TMEM135: variants seen among roughly 807,000 people sequenced by gnomAD.
The protein encoded by TMEM135 is peroxisomal membrane protein 52.
Under a neutral mutation model 60.3 loss-of-function variants are expected in TMEM135, and 30 were observed. That is an observed-to-expected ratio of 0.50 (90% CI 0.37 to 0.68). The LOEUF is 0.68. TMEM135 is among the 30% of genes least tolerant of loss of function. The probability of loss-of-function intolerance (pLI) is 0.00; values close to 1 mark genes in which losing one functional copy is unlikely to be tolerated. For synonymous variants in TMEM135, 190 were observed against 186.7 expected, an observed-to-expected ratio of 1.02 and a Z score of -0.14; for missense variants, 468 against 548.8, an observed-to-expected ratio of 0.85 and a Z score of 1.47.
At chr11:87,225,429 AATTATT>A (rs943087621) in intron 5 of TMEM135, among the ~76,000 whole-genome samples, 4 of 151,996 alleles carry the variant, frequency 2.6e-5, no homozygotes, top group Non-Finnish European at 5.9e-5. Context: ...ATTACTCTAT[AATTATT>A]ATTATTATGC....
intron 6 of TMEM135, among the ~76,000 whole-genome samples, chr11:87,272,011 T>G (rs948828846): frequency 6.6e-6 from 1 of 150,536 alleles, no homozygotes; most frequent in Non-Finnish European, 1.5e-5. Context: ...AATTTCAAAT[T>G]ACACATATAG....
At chr11:87,263,348 C>G (rs762039497) in intron 6 of TMEM135, among the ~76,000 whole-genome samples, 1 of 152,142 alleles carries the variant, frequency 6.6e-6, no homozygotes, top group African/African-American at 2.4e-5. Flanking sequence ...TATTTTGTTA[C>G]TGCAATATCA....
chr11:87,215,191 A>G (rs1402178225), intron 5 of TMEM135, among the ~76,000 whole-genome samples: 1 of 152,172 alleles, frequency 6.6e-6, no homozygotes, highest in Non-Finnish European at 1.5e-5. Flanking sequence ...ATATTTACAC[A>G]TTTAGGACCT....
At chr11:87,157,004 C>G (rs1335101492) in intron 4 of TMEM135, among the ~76,000 whole-genome samples, 1 of 151,592 alleles carries the variant, frequency 6.6e-6, no homozygotes, top group African/African-American at 2.4e-5. Context: ...TTTATAACTT[C>G]TAGCTCTTAT....
chr11:87,274,786 C>CTGTGTGTG (rs10655114), intron 6 of TMEM135, among the ~76,000 whole-genome samples: 9,328 of 129,156 alleles, frequency 0.072, 340 homozygotes, highest in South Asian at 0.095. Flanking sequence ...CATAGCAAGA[C>CTGTGTGTG]TGTGTGTGTG....
intron 8 of TMEM135, among the ~76,000 whole-genome samples, chr11:87,304,786 T>C (rs954928291): frequency 1.2e-4 from 19 of 152,232 alleles, no homozygotes; most frequent in African/African-American, 4.6e-4. Flanking sequence ...GGTTCAACCA[T>C]GAAAATAATT....
In TMEM135 at chr11:87,251,813, C is replaced by T. The variant is rs117859220; in HGVS notation, c.509+15129C>T. ...GAACAGTGACTGATCACTTAGCAAA[C>T]GCAGAGTTAAGAGTAGTGATTGTTT... On this transcript the variant is annotated intron_variant, in intron 6 of 14. Transcript: ENST00000305494. Among the ~76,000 whole-genome samples, 921 of 152,174 alleles carry T rather than the reference C, an allele frequency of 6.1e-3. 2 individuals are homozygous for T. The highest frequency in any genetic ancestry group is 0.01 in the Non-Finnish European group (702 of 68,012).
At chr11:87,215,045 CT>C (rs1940466137) in intron 5 of TMEM135, among the ~76,000 whole-genome samples, 1 of 151,954 alleles carries the variant, frequency 6.6e-6, no homozygotes. Flanking sequence ...GTTTGGGACT[CT>C]TTAAAATATA....
intron 6 of TMEM135, among the ~76,000 whole-genome samples, chr11:87,293,162 C>G (rs1408591582): frequency 1.3e-5 from 2 of 152,134 alleles, no homozygotes; most frequent in African/African-American, 4.8e-5. Flanking sequence ...CTGCAAAACA[C>G]TTCATCAGAT....
chr11:87,263,000 A>T (rs1565146913), intron 6 of TMEM135, among the ~76,000 whole-genome samples: 1 of 139,408 alleles, frequency 7.2e-6, no homozygotes, highest in African/African-American at 2.8e-5. Context: ...CTCAGTTTTC[A>T]TGGAAAAAAA....
At chr11:87,176,812 T>C (rs1233175243) in intron 5 of TMEM135, among the ~76,000 whole-genome samples, 2 of 152,118 alleles carry the variant, frequency 1.3e-5, no homozygotes, top group Non-Finnish European at 2.9e-5. Context: ...AATAAGATTT[T>C]ACACATGTAT....
At chr11:87,042,181 A>G (rs1209480280) in intron 1 of TMEM135, among the ~76,000 whole-genome samples, 1 of 152,254 alleles carries the variant, frequency 6.6e-6, no homozygotes, top group Non-Finnish European at 1.5e-5. Context: ...ATAGACAGCT[A>G]TGTAGAAATG....
intron 5 of TMEM135, among the ~76,000 whole-genome samples, chr11:87,161,582 C>T (rs1938881284): frequency 6.6e-6 from 1 of 152,070 alleles, no homozygotes; most frequent in African/African-American, 2.4e-5. Context: ...ATTTCAAACC[C>T]TGCTTCTTAA....
In TMEM135 at chr11:87,309,495, T is replaced by C; in HGVS notation, c.769-10T>C. The C allele has an allele frequency of 6.2e-7, 1 of 1,613,506 alleles. No homozygotes were observed. Among genetic ancestry groups the C allele is most frequent in the South Asian group, 1.1e-5 (1 of 91,026 alleles). On this transcript the variant is annotated splice_polypyrimidine_tract_variant and intron_variant, in intron 9 of 14. Transcript: ENST00000305494. ...TTTGTAAATCAGGTTTTTCTCCAAA[T>C]TTCCTCTAGGGTTTCATCAGAATGT...
intron 6 of TMEM135, among the ~76,000 whole-genome samples, chr11:87,250,376 A>G (rs1376367058): frequency 6.6e-6 from 1 of 151,672 alleles, no homozygotes. Context: ...ATGCATTGTT[A>G]TGTTGTTTGC....
intron 4 of TMEM135, among the ~76,000 whole-genome samples, chr11:87,099,147 C>T (rs1857396705): frequency 6.6e-6 from 1 of 152,030 alleles, no homozygotes; most frequent in South Asian, 2.1e-4. Flanking sequence ...ACGCTGTGTA[C>T]TTCAATACCC....
intron 6 of TMEM135, among the ~76,000 whole-genome samples, chr11:87,238,124 A>G (rs987369997): frequency 3.3e-5 from 5 of 151,912 alleles, no homozygotes; most frequent in Admixed American, 6.6e-5. Flanking sequence ...TGCAACAAAC[A>G]TGGGAGTACA....
At chr11:87,300,491 T>A (rs1431156617) in intron 7 of TMEM135, among the ~76,000 whole-genome samples, 2 of 152,316 alleles carry the variant, frequency 1.3e-5, no homozygotes, top group East Asian at 3.9e-4. Flanking sequence ...AATTTATTGG[T>A]TGTGGACAAG....
chr11:87,108,240 T>C (rs1857648693), intron 4 of TMEM135, among the ~76,000 whole-genome samples: 1 of 152,222 alleles, frequency 6.6e-6, no homozygotes, highest in African/African-American at 2.4e-5. Flanking sequence ...ATAGTTTCTT[T>C]TGCCATGCAG....
Sources: allele counts gnomAD v4.1 joint callset (sites outside exome capture counted in the v4.1 genomes callset), GRCh38; gene constraint gnomAD v4.1.1; transcripts MANE v1.5; gene names NCBI Gene and HGNC (gene_info 2026-07-23, HGNC 2026-07-21).